Variants in PLB1 observed in about 807,000 individuals in gnomAD.
PLB1 encodes phospholipase B1, membrane-associated.
In PLB1, 242 loss-of-function variants were observed where a neutral mutation model predicts 227.4. The observed-to-expected ratio is 1.06, with a 90% CI of 0.96 to 1.18. The LOEUF (loss-of-function observed/expected upper bound fraction) is 1.18, where lower values mean the gene tolerates loss of function less well. PLB1 is among the 50% of genes most tolerant of loss of function. The pLI, the probability that PLB1 is intolerant of heterozygous loss-of-function variation, is 0.00. For synonymous variants in PLB1, 757 were observed against 682.2 expected (o/e 1.11, Z -1.71); for missense variants, 1,858 against 1,816.3 (o/e 1.02, Z -0.42).
intron 49 of PLB1, among the ~76,000 whole-genome samples, chr2:28,623,633 G>T (rs529046461): frequency 2.0e-5 from 3 of 151,042 alleles, no homozygotes; most frequent in Admixed American, 1.3e-4. Context: ...CTAGCTTACC[G>T]TGGCCACCCA....
In PLB1 at chr2:28,617,588, T is replaced by C. The variant is rs1156959394; in HGVS notation, c.3196-139T>C. ...CTCCTAGCCCACCTATAACTCACAG[T>C]TCTTTCCCTCACATGATCCTGTATG... On this transcript the variant is annotated intron_variant, in intron 44 of 57. Transcript: ENST00000327757. The C allele has an allele frequency of 3.7e-6, 3 of 804,498 alleles. No individual in the cohort carries two copies. In the African/African-American group the frequency reaches 5.1e-5, roughly 14 times the overall value. The allele number at this position is 804,498 out of a possible 1,614,324, so 49.8% of individuals were successfully genotyped here. A position where few individuals can be genotyped will look rare whatever the true frequency, so the allele number is the denominator to read the frequency against.
intron 3 of PLB1, 138 bp from the exon 4 acceptor site, chr2:28,519,567 C>T (rs1256755825): frequency 1.6e-6 from 1 of 644,004 alleles, no homozygotes; most frequent in Non-Finnish European, 2.7e-6. Flanking sequence ...TGGCATTCCA[C>T]TTCCATGGCC....
chr2:28,526,929 A>G (rs1417640274), intron 6 of PLB1, among the ~76,000 whole-genome samples: 1 of 152,106 alleles, frequency 6.6e-6, no homozygotes, highest in Non-Finnish European at 1.5e-5. Flanking sequence ...CCTGGATCTG[A>G]TTGACAGGTG....
At chr2:28,507,584 T>G (rs1009364746) in intron 1 of PLB1, among the ~76,000 whole-genome samples, 15 of 152,252 alleles carry the variant, frequency 9.9e-5, no homozygotes, top group African/African-American at 2.6e-4. Context: ...ACATATGAAT[T>G]TTGGGGGACA....
chr2:28,541,939 C>A, intron 13 of PLB1, 128 bp downstream of exon 13: 1 of 709,690 alleles, frequency 1.4e-6, no homozygotes, highest in Non-Finnish European at 2.4e-6. Flanking sequence ...TGAAGACCAA[C>A]CCAGCCAACA....
intron 17 of PLB1, among the ~76,000 whole-genome samples, chr2:28,557,073 C>G (rs958024343): frequency 6.6e-6 from 1 of 152,120 alleles, no homozygotes; most frequent in Non-Finnish European, 1.5e-5. Context: ...TTGACCTACC[C>G]TATCATCAGG....
At chr2:28,641,735 C>T (rs1363719538) in intron 57 of PLB1, among the ~76,000 whole-genome samples, 2 of 152,188 alleles carry the variant, frequency 1.3e-5, no homozygotes, top group African/African-American at 4.8e-5. Flanking sequence ...CCTCGCCACA[C>T]CCACTGCCCT....
chr2:28,633,094 C>T, intron 56 of PLB1, 55 bp downstream of exon 56: 6 of 1,455,174 alleles, frequency 4.1e-6, no homozygotes, highest in Non-Finnish European at 5.8e-6. Context: ...AGGATATTGA[C>T]ACTCTGTCTC....
intron 43 of PLB1, among the ~76,000 whole-genome samples, chr2:28,610,811 C>A (rs952490237): frequency 6.6e-6 from 1 of 152,138 alleles, no homozygotes; most frequent in Admixed American, 6.5e-5. Flanking sequence ...CTGGGCTCTG[C>A]CTCCCCAGGC....
At chr2:28,637,688 C>T (rs2148349991) in intron 56 of PLB1, among the ~76,000 whole-genome samples, 1 of 152,360 alleles carries the variant, frequency 6.6e-6, no homozygotes, top group East Asian at 1.9e-4. Flanking sequence ...CTAGTGACTC[C>T]AGCAGCGTCC....
intron 35 of PLB1, 60 bp downstream of exon 35, chr2:28,598,820 C>CT: frequency 7.1e-7 from 1 of 1,411,836 alleles, no homozygotes; most frequent in Admixed American, 1.7e-5. Flanking sequence ...GGATAGTACC[C>CT]TTTAAGACCA....
intron 26 of PLB1, among the ~76,000 whole-genome samples, 171 bp downstream of exon 26, chr2:28,586,013 T>TG (rs1161554653): frequency 6.6e-6 from 1 of 152,186 alleles, no homozygotes; most frequent in Non-Finnish European, 1.5e-5. Context: ...CTACTTGGTT[T>TG]GTATGAATTG....
rs1670750288 is a variant in PLB1 at position 28,529,670 on chromosome 2, C to T, written c.417-58C>T. On this transcript the variant is annotated intron_variant, in intron 7 of 57. Transcript: ENST00000327757. ...TGAGCTATGGCAAGGGGCAAGCTTC[C>T]AGCCCTTAACAAAATAATATTTAGC... The T allele has an allele frequency of 1.5e-5, 23 of 1,540,500 alleles. 2 individuals carry two copies. In the South Asian group the frequency reaches 2.6e-4, roughly 17 times the overall value.
chr2:28,567,062 G>A (rs1026157625), intron 20 of PLB1, among the ~76,000 whole-genome samples: 2 of 152,052 alleles, frequency 1.3e-5, no homozygotes, highest in Non-Finnish European at 2.9e-5. Context: ...TGGGGGCCGG[G>A]GGCGGGGAGG....
chr2:28,599,075 G>C (rs1683452483), intron 35 of PLB1, among the ~76,000 whole-genome samples: 1 of 152,250 alleles, frequency 6.6e-6, no homozygotes, highest in African/African-American at 2.4e-5. Flanking sequence ...GTGCTAGAGA[G>C]ATCCACTCCC....
At chr2:28,561,141 G>C (rs114892981) in intron 17 of PLB1, among the ~76,000 whole-genome samples, 1 of 152,054 alleles carries the variant, frequency 6.6e-6, no homozygotes, top group Non-Finnish European at 1.5e-5. Context: ...AGTGTTTATC[G>C]GTCTTACACT....
At chr2:28,613,881 G>A in intron 43 of PLB1, 150 bp from the exon 44 acceptor site, 2 of 691,434 alleles carry the variant, frequency 2.9e-6, no homozygotes, top group South Asian at 1.9e-5. Flanking sequence ...CCGGGGGAAT[G>A]AATGAAATTA....
chr2:28,609,245 A>G (rs1685104814), intron 43 of PLB1, among the ~76,000 whole-genome samples: 1 of 152,008 alleles, frequency 6.6e-6, no homozygotes, highest in Non-Finnish European at 1.5e-5. Context: ...CTCTCTCCAC[A>G]TCCTCTCACT....
At chr2:28,520,669 G>A (rs1186573948) in intron 4 of PLB1, among the ~76,000 whole-genome samples, 1 of 152,034 alleles carries the variant, frequency 6.6e-6, no homozygotes. Flanking sequence ...GGCAGTTCTA[G>A]GTACCTCATA....
Sources: allele counts gnomAD v4.1 joint callset (sites outside exome capture counted in the v4.1 genomes callset), GRCh38; gene constraint gnomAD v4.1.1; transcripts MANE v1.5; gene names NCBI Gene and HGNC (gene_info 2026-07-23, HGNC 2026-07-21).